The following KLRG2 variants were observed in gnomAD, a reference collection of about 807,000 sequenced individuals.
KLRG2 encodes the protein killer cell lectin like receptor G2.
KLRG2 carries 39 observed loss-of-function variants against 35.4 expected under a neutral mutation model. The observed-to-expected ratio is 1.10, with a 90% CI of 0.85 to 1.44. The LOEUF (loss-of-function observed/expected upper bound fraction) is 1.44. Among genes scored for constraint, KLRG2 ranks in the 40% most tolerant of loss-of-function variants. The probability of loss-of-function intolerance (pLI) is 0.00; values close to 1 mark genes in which losing one functional copy is unlikely to be tolerated. For missense variants in KLRG2, 632 were observed against 570.9 expected (o/e 1.11, Z -1.09); for synonymous variants, 283 against 265.8 (o/e 1.06, Z -0.63).
Position 139,483,461 on chromosome 7 carries a change from C to T in KLRG2, c.182G>A (p.Gly61Asp), listed in dbSNP as rs1415788557. ...AGAVEKAAGAGLEPSSKKKPP... is the reference protein window; with the variant it reads ...AGAVEKAAGADLEPSSKKKPP... ...CTTTTTCTTGCTCGAGGGCTCCAGG[C>T]CTGCGCCCGCCGCCTTCTCCACGGC... is the stretch of plus-strand genomic sequence containing the variant. The change falls in exon 1 of 5, where the codon GGC becomes GAC. Residue 61 changes from glycine to aspartate, a missense_variant. Gly to Asp is a moderately conservative substitution (Grantham distance 94, BLOSUM62 -1). Transcript: ENST00000340940. 6.3e-7 allele frequency: 1 copy of T among 1,590,512 alleles called. No homozygotes were observed.
chr7:139,446,089 C>T, the KLRG2 span, among the ~76,000 whole-genome samples: 4 of 151,992 alleles, frequency 2.6e-5, no homozygotes, highest in South Asian at 2.1e-4. Flanking sequence ...GTGATCCGCC[C>T]GCCTCGGCCT....
chr7:139,467,564 G>A (rs1014201346), intron 3 of KLRG2, among the ~76,000 whole-genome samples: 12 of 152,054 alleles, frequency 7.9e-5, no homozygotes, highest in Non-Finnish European at 4.4e-5. Flanking sequence ...TGAAACATGT[G>A]CTGTGTCCAC....
Position 139,469,009 on chromosome 7 carries a change from G to A in KLRG2, c.1005+10618C>T, listed in dbSNP as rs545705258. ...CAGGGAGAAGGGCCACTACCTGAAA[G>A]CCAAGGAGAGGCCTCTGGAAACCCA... On this transcript the variant is annotated intron_variant, in intron 3 of 4. Transcript: ENST00000340940. Among the ~76,000 whole-genome samples the A allele has an allele frequency of 3.2e-4, 49 of 152,286 alleles. No individual in the cohort carries two copies. The South Asian group carries it at 1.0e-2, about 31-fold the overall frequency.
At chr7:139,435,803 G>GT in the KLRG2 span, among the ~76,000 whole-genome samples, 1 of 152,162 alleles carries the variant, frequency 6.6e-6, no homozygotes. Flanking sequence ...AGAATCCATT[G>GT]TAAGGGTGCC....
chr7:139,454,685 G>A (rs949667701), intron 3 of KLRG2, among the ~76,000 whole-genome samples: 6 of 151,694 alleles, frequency 4.0e-5, no homozygotes, highest in South Asian at 2.1e-4. Flanking sequence ...GCATGGTGGC[G>A]GGCGCCTGTA....
intron 3 of KLRG2, among the ~76,000 whole-genome samples, chr7:139,471,227 G>T (rs1796749201): frequency 1.3e-5 from 2 of 152,062 alleles, no homozygotes; most frequent in South Asian, 4.2e-4. Flanking sequence ...TTTTGTTAGT[G>T]CTTATCTTTA....
chr7:139,483,654 C>A lies in KLRG2; in HGVS notation c.-12G>T, dbSNP rs745433502. On this transcript the variant is annotated 5_prime_UTR_variant, in exon 1 of 5. Transcript: ENST00000340940. ...CAAGACTCCTCCATCCCGCGCGCCC[C>A]GCCACCCGGAGACGCTGAGGAGCGC... 24 of 1,484,740 alleles carry A rather than the reference C, an allele frequency of 1.6e-5. No homozygotes were observed. The highest frequency in any genetic ancestry group is 4.6e-5 in the Admixed American group (2 of 43,412). The allele number at this position is 1,484,740 out of a possible 1,614,324, so 92.0% of individuals were successfully genotyped here.
chr7:139,440,736 C>T, the KLRG2 span, among the ~76,000 whole-genome samples: 24 of 152,186 alleles, frequency 1.6e-4, no homozygotes, highest in African/African-American at 5.5e-4. Flanking sequence ...AAGCTTGCAC[C>T]ACAGTGCCTG....
chr7:139,478,626 T>C (rs1569416427), intron 3 of KLRG2, among the ~76,000 whole-genome samples: 1 of 150,436 alleles, frequency 6.6e-6, no homozygotes, highest in Non-Finnish European at 1.5e-5. Flanking sequence ...GCCGAGATTA[T>C]GCCACTGCAC....
At chr7:139,446,614 TAC>T in the KLRG2 span, among the ~76,000 whole-genome samples, 1 of 152,138 alleles carries the variant, frequency 6.6e-6, no homozygotes, top group African/African-American at 2.4e-5. Flanking sequence ...ATGCTGGGAT[TAC>T]AGGCGTGAGC....
At chr7:139,454,264 GCCTGGGGCGTACGGATTC>G (rs1289577170) in intron 3 of KLRG2, 50 bp from the exon 4 acceptor site, 1 of 913,322 alleles carries the variant, frequency 1.1e-6, no homozygotes, top group South Asian at 1.4e-5. Flanking sequence ...GGCGTGGCTT[GCCTGGGGCGTACGGATTC>G]CCTGGGGCTT....
the KLRG2 span, among the ~76,000 whole-genome samples, chr7:139,433,606 G>A: frequency 7.3e-5 from 11 of 149,892 alleles, no homozygotes; most frequent in African/African-American, 2.5e-4. Context: ...GATTACAGGC[G>A]TGAACCACTG....
the KLRG2 span, among the ~76,000 whole-genome samples, chr7:139,445,798 T>TATATATAC: frequency 7.9e-6 from 1 of 126,068 alleles, no homozygotes; most frequent in African/African-American, 4.8e-5. Flanking sequence ...TATATGTGTG[T>TATATATAC]ATATATATAT....
intron 3 of KLRG2, among the ~76,000 whole-genome samples, chr7:139,471,876 AG>A (rs1390252536): frequency 6.6e-6 from 1 of 152,140 alleles, no homozygotes; most frequent in Non-Finnish European, 1.5e-5. Context: ...TGAGTCTCAG[AG>A]GAGGTGTGTG....
chr7:139,438,959 G>GAGGCCA, the KLRG2 span, among the ~76,000 whole-genome samples: 1 of 89,478 alleles, frequency 1.1e-5, no homozygotes, highest in Non-Finnish European at 2.2e-5. Context: ...CTCCCAAAGT[G>GAGGCCA]CTGGGATTAC....
In KLRG2 at chr7:139,453,648, G is replaced by A. The variant is rs538203577; in HGVS notation, c.1169C>T (p.Thr390Met). Reference protein sequence around the residue: ...DINCGALEEGTLVAANCSTPR... With the variant: ...DINCGALEEGMLVAANCSTPR... The stretch of plus-strand genomic sequence containing the variant: ...AGTGCTGCAGTTTGCAGCCACCAGC[G>A]TGCCTTCCTCCAGGGCCCCACAGTT... The change falls in exon 5 of 5, where the codon ACG becomes ATG. Residue 390 changes from threonine to methionine, a missense_variant. Thr to Met is a moderately conservative substitution (Grantham distance 81). Coordinates refer to ENST00000340940, the MANE Select transcript of KLRG2 (RefSeq NM_198508.4). 30 of 1,613,948 alleles carry A rather than the reference G, an allele frequency of 1.9e-5. No homozygotes were observed. The highest frequency in any genetic ancestry group is 1.6e-4 in the Middle Eastern group (1 of 6,062).
chr7:139,433,466 C>A, the KLRG2 span, among the ~76,000 whole-genome samples: 8 of 152,154 alleles, frequency 5.3e-5, no homozygotes, highest in Non-Finnish European at 8.8e-5. Flanking sequence ...GCTGGCATTA[C>A]AGGCATGTGC....
intron 3 of KLRG2, among the ~76,000 whole-genome samples, chr7:139,471,084 G>A (rs895468635): frequency 6.6e-6 from 1 of 151,736 alleles, no homozygotes; most frequent in African/African-American, 2.4e-5. Context: ...CTGACCTCAG[G>A]TGATCCACCT....
chr7:139,466,156 C>T (rs1414820937), intron 3 of KLRG2, among the ~76,000 whole-genome samples: 2 of 152,216 alleles, frequency 1.3e-5, no homozygotes, highest in African/African-American at 4.8e-5. Flanking sequence ...CTTCCCTACA[C>T]ATCAAGCTCG....
Sources: allele counts gnomAD v4.1 joint callset (sites outside exome capture counted in the v4.1 genomes callset), GRCh38; gene constraint gnomAD v4.1.1; transcripts MANE v1.5; gene names NCBI Gene and HGNC (gene_info 2026-07-23, HGNC 2026-07-21).